CUL9: variants seen among roughly 807,000 people sequenced by gnomAD.
The protein encoded by CUL9 is cullin 9.
CUL9 carries 79 observed loss-of-function variants against 272.6 expected under a neutral mutation model. That is an observed-to-expected ratio of 0.29 (90% confidence interval 0.24 to 0.35). The LOEUF is 0.35. CUL9 is among the 10% of genes least tolerant of loss of function. The probability of loss-of-function intolerance (pLI) is 1.00; values close to 1 mark genes in which losing one functional copy is unlikely to be tolerated. For missense variants in CUL9, 2,532 were observed against 3,255.6 expected (o/e 0.78, Z 5.41); for synonymous variants, 1,186 against 1,286.5 (o/e 0.92, Z 1.67).
intron 11 of CUL9, among the ~76,000 whole-genome samples, chr6:43,197,514 C>G (rs1774104121): frequency 6.6e-6 from 1 of 151,596 alleles, no homozygotes; most frequent in South Asian, 2.1e-4. Flanking sequence ...GGTGGAGTCT[C>G]ACTCTGTCGC....
chr6:43,205,503 G>A, intron 24 of CUL9, 80 bp downstream of exon 24: 1 of 1,486,296 alleles, frequency 6.7e-7, no homozygotes. Context: ...TAGGGGAGAT[G>A]AGAAAAGAGG....
rs760315922 is a variant in CUL9 at position 43,188,606 on chromosome 6, T to C, written c.2071T>C (p.Ser691Pro). The change falls in exon 8 of 41, where the codon TCC (serine) becomes CCC (proline). Residue 691 changes from serine to proline, a missense_variant. Around this residue, in one of 3 missense-constraint regions of CUL9, gnomAD observed 2,218 missense variants for 2,788.6 expected, o/e 0.80. Coordinates refer to ENST00000252050, the MANE Select transcript of CUL9 (RefSeq NM_015089.4). ...VAAVVATVQI[S>P]SLDTNLQLSG... is the part of the protein sequence containing the mutation. ...AGCGGTCGTGGCCACTGTGCAGATA[T>C]CCAGCTTGGACACAAACCTGCAGCT... The C allele has an allele frequency of 8.4e-5, 136 of 1,614,092 alleles. No individual in the cohort carries two copies. The highest frequency in any genetic ancestry group is 1.1e-4 in the Non-Finnish European group (134 of 1,180,040).
In CUL9 at chr6:43,187,090, G is replaced by C; in HGVS notation, c.1382G>C (p.Gly461Ala). ...VEKGAGATVL[G>A]TAFPSWDWNP... ...AAGGGGGCAGGGGCTACTGTGTTGG[G>C]CACAGGTGAGCCTAAGAGGGGACAT... is the stretch of plus-strand genomic sequence containing the variant. Residue 461 changes from glycine to alanine, a missense_variant, in exon 5 of 41, where the codon GGC (glycine) becomes GCC (alanine). Around this residue, in one of 3 missense-constraint regions of CUL9, gnomAD observed 2,218 missense variants for 2,788.6 expected, o/e 0.80. Coordinates refer to ENST00000252050, the MANE Select transcript of CUL9 (RefSeq NM_015089.4). 6.2e-7 allele frequency: 1 copy of C among 1,613,924 alleles called. No individual in the cohort carries two copies. Among genetic ancestry groups the C allele is most frequent in the Non-Finnish European group, 8.5e-7 (1 of 1,179,864 alleles).
chr6:43,195,286 A>G (rs999853682), intron 9 of CUL9, among the ~76,000 whole-genome samples: 6 of 152,206 alleles, frequency 3.9e-5, no homozygotes, highest in African/African-American at 1.4e-4. Flanking sequence ...ACCAGGAGAG[A>G]CATTCTCCAC....
intron 9 of CUL9, among the ~76,000 whole-genome samples, chr6:43,194,714 G>A (rs964349844): frequency 6.6e-6 from 1 of 151,902 alleles, no homozygotes; most frequent in African/African-American, 2.4e-5. Flanking sequence ...CAAATTACGT[G>A]ACCAAAACAT....
At position 43,185,467 on chromosome 6, in the gene CUL9, C is replaced by T. The variant is rs770929121; in HGVS notation, c.607C>T (p.His203Tyr). 1.9e-6 allele frequency: 3 copies of T among 1,613,698 alleles called. No homozygotes were observed. The highest frequency in any genetic ancestry group is 2.2e-5 in the East Asian group (1 of 44,888). ...LAAHDAGSRA[H>Y]VLLSLSQQDG... ...GGTATGGATTACAGGGAGTCGGGCT[C>T]ACGTCCTTCTATCACTGAGCCAGCA... Residue 203 changes from histidine to tyrosine, a missense_variant, in exon 3 of 41, where the codon CAC becomes TAC. This residue lies in a region of CUL9 where 2,218 missense variants were observed against 2,788.6 expected (regional missense o/e 0.80). Coordinates refer to ENST00000252050, the MANE Select transcript of CUL9 (RefSeq NM_015089.4).
chr6:43,222,230 C>T, intron 35 of CUL9, 86 bp from the exon 36 acceptor site: 1 of 1,025,686 alleles, frequency 9.7e-7, no homozygotes, highest in South Asian at 1.3e-5. Context: ...TGTAGAAAGG[C>T]CTCCGTGAAT....
rs368854724 is a variant in CUL9 at position 43,203,075 on chromosome 6, A to T, written c.3754-34A>T. 1 of 1,608,286 alleles carries T rather than the reference A, an allele frequency of 6.2e-7. No individual in the cohort carries two copies. The highest frequency in any genetic ancestry group is 1.7e-5 in the Admixed American group (1 of 60,012). On this transcript the variant is annotated intron_variant, in intron 17 of 40. Transcript: ENST00000252050. The surrounding 1 kb of genome is among the most constrained non-coding windows in gnomAD (Gnocchi z 5.0). ...TTTTCCAACCTTGTTTCTGGAGGTG[A>T]CAGTTCTCTCCCTCTTCTCCCCTGC...
At chr6:43,214,796 GA>G (rs796287589) in intron 29 of CUL9, among the ~76,000 whole-genome samples, 5,469 of 143,138 alleles carry the variant, frequency 0.038, 239 homozygotes, top group African/African-American at 0.11. Context: ...AGACTGTTGG[GA>G]AAAAAAAAAA....
chr6:43,219,909 G>A (rs997048094), intron 31 of CUL9, among the ~76,000 whole-genome samples: 19 of 152,192 alleles, frequency 1.2e-4, no homozygotes, highest in African/African-American at 4.6e-4. Context: ...CAACACTGGT[G>A]ACGAGGGGGA....
At chr6:43,216,605 C>A in intron 31 of CUL9, 102 bp downstream of exon 31, 1 of 1,073,638 alleles carries the variant, frequency 9.3e-7, no homozygotes. Flanking sequence ...CCATTTTCAT[C>A]ACCTGGGCAA....
At position 43,223,306 on chromosome 6, in the gene CUL9, G is replaced by A. The variant is rs375652792; in HGVS notation, c.7193G>A (p.Arg2398His). 2.0e-5 allele frequency: 32 copies of A among 1,600,458 alleles called. No homozygotes were observed. The highest frequency in any genetic ancestry group is 2.3e-5 in the East Asian group (1 of 44,434). ...LRCRDLASSL[R>H]LLRADCLSTG... is the part of the protein sequence containing the mutation. ...TGCAGAGACCTGGCCTCCTCCCTGC[G>A]CCTCCTGCGGGCCGACTGCCTCAGC... Residue 2398 changes from arginine to histidine, a missense_variant, in exon 39 of 41, where the codon CGC (arginine) becomes CAC (histidine). Around this residue, in one of 3 missense-constraint regions of CUL9, gnomAD observed 237 missense variants for 305.9 expected, o/e 0.77. Coordinates refer to ENST00000252050, the MANE Select transcript of CUL9 (RefSeq NM_015089.4). The surrounding 1 kb of genome is among the most constrained non-coding windows in gnomAD (Gnocchi z 4.1).
intron 8 of CUL9, among the ~76,000 whole-genome samples, chr6:43,191,252 T>TTG (rs58122260): frequency 0.2 from 25,775 of 126,742 alleles, 2,710 homozygotes; most frequent in Middle Eastern, 0.28. Flanking sequence ...CTAAATTGCA[T>TTG]TGTGTGTGTG....
In CUL9 at chr6:43,203,309, T is replaced by C; in HGVS notation, c.3849+105T>C. On this transcript the variant is annotated intron_variant, in intron 18 of 40. Transcript: ENST00000252050. The surrounding 1 kb of genome is among the most constrained non-coding windows in gnomAD (Gnocchi z 5.0). Reference sequence around the variant, plus strand: ...CAGGACCTGTTGAGTCCCAGAGATGTGGGGATGTCCTGAGCAGTTCTAGGG... The same window carrying C: ...CAGGACCTGTTGAGTCCCAGAGATGCGGGGATGTCCTGAGCAGTTCTAGGG... 2.5e-6 allele frequency: 4 copies of C among 1,590,838 alleles called. No homozygotes were observed. The South Asian group carries it at 4.4e-5, about 18-fold the overall frequency.
At chr6:43,190,693 G>A (rs1773386372) in intron 8 of CUL9, among the ~76,000 whole-genome samples, 1 of 152,102 alleles carries the variant, frequency 6.6e-6, no homozygotes, top group South Asian at 2.1e-4. Flanking sequence ...TGTATTTCAA[G>A]CATATTTCAT....
intron 26 of CUL9, among the ~76,000 whole-genome samples, chr6:43,208,288 G>A (rs555157820): frequency 6.6e-6 from 1 of 152,204 alleles, no homozygotes; most frequent in African/African-American, 2.4e-5. Context: ...TGCAACCTCC[G>A]CCTCCTGGGT....
chr6:43,205,252 C>T lies in CUL9; in HGVS notation c.4633-11C>T, dbSNP rs1258896708. On this transcript the variant is annotated splice_polypyrimidine_tract_variant and intron_variant, in intron 23 of 40. Coordinates refer to ENST00000252050, the MANE Select transcript of CUL9 (RefSeq NM_015089.4). ...TTCATGGTTTGCTCATGCCCTTTCCCCTGCCCCCAGATGAGTGAGCAGTTT... is the reference window on the plus strand; with the variant it reads ...TTCATGGTTTGCTCATGCCCTTTCCTCTGCCCCCAGATGAGTGAGCAGTTT... The T allele has an allele frequency of 1.2e-6, 2 of 1,611,812 alleles. No homozygotes were observed. The highest frequency in any genetic ancestry group is 1.3e-5 in the African/African-American group (1 of 74,892).
At chr6:43,183,201 C>G (rs1160110886) in intron 1 of CUL9, among the ~76,000 whole-genome samples, 1 of 152,178 alleles carries the variant, frequency 6.6e-6, no homozygotes, top group Non-Finnish European at 1.5e-5. Context: ...GACCTCATTT[C>G]CTACCTTTAA....
At position 43,220,764 on chromosome 6, in the gene CUL9, G is replaced by C. The variant is rs1395317906; in HGVS notation, c.6441G>C (p.Leu2147=). Residue 2147 remains leucine (L), a synonymous_variant, in exon 33 of 41, where the codon CTG becomes CTC. Coordinates refer to ENST00000252050, the MANE Select transcript of CUL9 (RefSeq NM_015089.4). This position sits in a 1 kb window ranked among gnomAD's most constrained non-coding sequence, Gnocchi z 4.9. ...CTCCACAGTATGAGAAGGCGCTCCT[G>C]CGTGGCTATGTGGAGAGCTGCTCCA... ...EVISKYEKAL[L]RGYVESCSNL... is the part of the protein sequence containing the mutation. The C allele has an allele frequency of 1.2e-6, 2 of 1,612,838 alleles. No homozygotes were observed.
Sources: allele counts gnomAD v4.1 joint callset (sites outside exome capture counted in the v4.1 genomes callset), GRCh38; gene constraint gnomAD v4.1.1; regional missense constraint gnomAD v4.1.1; non-coding constraint Gnocchi (gnomAD v3.1); transcripts MANE v1.5; gene names NCBI Gene and HGNC (gene_info 2026-07-23, HGNC 2026-07-21).